NEDD9: variants seen among roughly 807,000 people sequenced by gnomAD.
The protein encoded by NEDD9 is neural precursor cell expressed, developmentally down-regulated 9, also known as enhancer of filamentation 1.
Under a neutral mutation model 76.6 loss-of-function variants are expected in NEDD9, and 26 were observed. The ratio of observed to expected loss-of-function variants is 0.34; its 90% CI spans 0.25 to 0.47. NEDD9 has a LOEUF of 0.47. NEDD9 is among the 20% of genes least tolerant of loss of function. The pLI is 1.00. For missense variants in NEDD9, 937 were observed against 1,058.5 expected (o/e 0.89, Z 1.59); for synonymous variants, 392 against 414.2 (o/e 0.95, Z 0.65).
chr6:11,356,008 A>T (rs1227197338), intron 1 of NEDD9, among the ~76,000 whole-genome samples: 2 of 152,104 alleles, frequency 1.3e-5, no homozygotes, highest in South Asian at 2.1e-4. Context: ...GGCGTGAGCC[A>T]CCATGCCCGG....
At chr6:11,253,722 A>G (rs567399447) in intron 3 of NEDD9, among the ~76,000 whole-genome samples, 2 of 152,378 alleles carry the variant, frequency 1.3e-5, no homozygotes, top group Admixed American at 6.5e-5. Flanking sequence ...CATCACAGGC[A>G]GCAAGACAAA....
At chr6:11,364,028 G>A (rs979531169) in intron 1 of NEDD9, among the ~76,000 whole-genome samples, 3 of 152,194 alleles carry the variant, frequency 2.0e-5, no homozygotes, top group Non-Finnish European at 4.4e-5. Context: ...CATGTGAGGG[G>A]TTCCTGCTGG....
Position 11,370,474 on chromosome 6 carries a change from C to A in NEDD9, c.-214+11665G>T, listed in dbSNP as rs896638174. Among the ~76,000 whole-genome samples the A allele has an allele frequency of 1.3e-5, 2 of 152,186 alleles. No individual in the cohort carries two copies. The highest frequency in any genetic ancestry group is 2.4e-5 in the African/African-American group (1 of 41,440). ...CCCACCCCTGTCCTCCCAAGACCTGCATTCCAGTCCAAATGGTTCCCTCAC... is the reference window on the plus strand; with the variant it reads ...CCCACCCCTGTCCTCCCAAGACCTGAATTCCAGTCCAAATGGTTCCCTCAC... On this transcript the variant is annotated intron_variant, in intron 1 of 3. Transcript: ENST00000397378. This position sits in a 1 kb window ranked among gnomAD's most constrained non-coding sequence, Gnocchi z 4.2.
At chr6:11,330,104 T>G (rs1431614836) in intron 2 of NEDD9, among the ~76,000 whole-genome samples, 1 of 152,200 alleles carries the variant, frequency 6.6e-6, no homozygotes. Flanking sequence ...TTTTATGTAA[T>G]TTTAATTAAT....
chr6:11,241,682 G>C lies in NEDD9; in HGVS notation c.13-27955C>G, dbSNP rs1561803609. On this transcript the variant is annotated intron_variant, in intron 3 of 3. Coordinates refer to the NEDD9 transcript ENST00000397378. The surrounding 1 kb of genome is among the most constrained non-coding windows in gnomAD (Gnocchi z 4.0). Reference sequence around the variant, plus strand: ...CAAATGGCCACTAGTAATGCCCAGGGTACCTCATTTCTTCAGGGGTTGGAG... The same window carrying C: ...CAAATGGCCACTAGTAATGCCCAGGCTACCTCATTTCTTCAGGGGTTGGAG... Among the ~76,000 whole-genome samples, 1 of 152,156 alleles carries C rather than the reference G, an allele frequency of 6.6e-6. No homozygotes were observed. The highest frequency in any genetic ancestry group is 2.4e-5 in the African/African-American group (1 of 41,420).
chr6:11,367,308 T>C (rs1762786604), intron 1 of NEDD9, among the ~76,000 whole-genome samples: 1 of 152,212 alleles, frequency 6.6e-6, no homozygotes, highest in African/African-American at 2.4e-5. Flanking sequence ...GATGGCTGGA[T>C]GAGAATAACA....
At chr6:11,192,811 T>G (rs998073272) in intron 3 of NEDD9, among the ~76,000 whole-genome samples, 15 of 151,384 alleles carry the variant, frequency 9.9e-5, no homozygotes, top group Non-Finnish European at 2.2e-4. Context: ...TGCACACCTG[T>G]AGTCCCAGCT....
At chr6:11,307,830 C>G (rs989735520) in intron 2 of NEDD9, among the ~76,000 whole-genome samples, 1 of 152,152 alleles carries the variant, frequency 6.6e-6, no homozygotes, top group African/African-American at 2.4e-5. Flanking sequence ...CCCTCTCTTT[C>G]CCATTAAGGT....
chr6:11,366,139 C>A (rs984248759), intron 1 of NEDD9, among the ~76,000 whole-genome samples: 3 of 151,862 alleles, frequency 2.0e-5, no homozygotes, highest in Non-Finnish European at 2.9e-5. Flanking sequence ...CAAAAAGTAA[C>A]CGGGTGTGGT....
intron 2 of NEDD9, among the ~76,000 whole-genome samples, chr6:11,204,860 C>T (rs1418392336): frequency 6.6e-6 from 1 of 152,070 alleles, no homozygotes; most frequent in Admixed American, 6.5e-5. Flanking sequence ...GTCAGGACTC[C>T]TGGATCAGCC....
At chr6:11,189,744 A>G (rs571648188) in intron 5 of NEDD9, among the ~76,000 whole-genome samples, 30 of 152,364 alleles carry the variant, frequency 2.0e-4, no homozygotes, top group African/African-American at 7.2e-4. Context: ...TTGGTCACAC[A>G]GTAAACGTCA....
chr6:11,238,176 A>C (rs541586270), intron 3 of NEDD9, among the ~76,000 whole-genome samples: 1 of 152,212 alleles, frequency 6.6e-6, no homozygotes, highest in East Asian at 1.9e-4. Context: ...AGTCCATTTA[A>C]TATTCATCTC....
At chr6:11,368,707 T>G (rs1044666448) in intron 1 of NEDD9, among the ~76,000 whole-genome samples, 1 of 152,216 alleles carries the variant, frequency 6.6e-6, no homozygotes, top group African/African-American at 2.4e-5. Flanking sequence ...TTTACAGAGG[T>G]TGGGGTGAAT....
intron 3 of NEDD9, among the ~76,000 whole-genome samples, chr6:11,278,925 A>T (rs1760473158): frequency 4.0e-5 from 5 of 125,536 alleles, no homozygotes; most frequent in Non-Finnish European, 5.1e-5. Flanking sequence ...TAAAGAGTTA[A>T]AAAAAAAAAG....
intron 2 of NEDD9, among the ~76,000 whole-genome samples, chr6:11,312,693 T>A (rs201655704): frequency 8.8e-3 from 269 of 30,730 alleles, no homozygotes; most frequent in East Asian, 0.062. Flanking sequence ...TTATATATAT[T>A]ATATATATAT....
intron 3 of NEDD9, among the ~76,000 whole-genome samples, chr6:11,291,366 C>A (rs1393651921): frequency 1.3e-5 from 2 of 151,254 alleles, no homozygotes; most frequent in Non-Finnish European, 2.9e-5. Context: ...GCTCCGCCTC[C>A]CGGGTTCACG....
intron 1 of NEDD9, among the ~76,000 whole-genome samples, chr6:11,376,056 CCTCGTGATCCGCCCGT>C (rs1197041763): frequency 6.6e-6 from 1 of 152,216 alleles, no homozygotes; most frequent in African/African-American, 2.4e-5. Context: ...GATCTCCTGA[CCTCGTGATCCGCCCGT>C]CTCGGCCTCC....
At chr6:11,345,448 C>T (rs1762346112) in intron 1 of NEDD9, among the ~76,000 whole-genome samples, 1 of 151,738 alleles carries the variant, frequency 6.6e-6, no homozygotes, top group Non-Finnish European at 1.5e-5. Context: ...TCGAGCAAGA[C>T]AGCAGGTGAG....
At chr6:11,224,854 T>C (rs1581968368) in intron 1 of NEDD9, among the ~76,000 whole-genome samples, 1 of 152,148 alleles carries the variant, frequency 6.6e-6, no homozygotes, top group Non-Finnish European at 1.5e-5. Context: ...AGTGAGGCAT[T>C]AAATTAAGGA....
Sources: allele counts gnomAD v4.1 joint callset (sites outside exome capture counted in the v4.1 genomes callset), GRCh38; gene constraint gnomAD v4.1.1; non-coding constraint Gnocchi (gnomAD v3.1); transcripts MANE v1.5; gene names NCBI Gene and HGNC (gene_info 2026-07-23, HGNC 2026-07-21).